Variants in GABPB1 observed in about 807,000 individuals in gnomAD.
GABPB1 encodes the protein GA binding protein transcription factor subunit beta 1, also known as GA-binding protein subunit beta-1.
Under a neutral mutation model 45.9 loss-of-function variants are expected in GABPB1, and 15 were observed. The ratio of observed to expected loss-of-function variants is 0.33; its 90% CI spans 0.22 to 0.50. GABPB1 has a LOEUF of 0.50. Ranked by LOEUF, GABPB1 falls within the 20% of genes least tolerant of loss-of-function variation. GABPB1 has a pLI of 0.98. For missense variants in GABPB1, 252 were observed against 457.5 expected (o/e 0.55, Z 4.10); for synonymous variants, 143 against 154.4 (o/e 0.93, Z 0.55).
At chr15:50,354,426 T>C (rs945991287) in intron 1 of GABPB1, 6 of 450,900 alleles carry the variant, frequency 1.3e-5, no homozygotes, top group African/African-American at 4.1e-5. Flanking sequence ...CGAGCGCCTC[T>C]CGGCCCCGCA....
intron 1 of GABPB1, among the ~76,000 whole-genome samples, chr15:50,310,570 A>G (rs554066553): frequency 6.6e-6 from 1 of 152,360 alleles, no homozygotes; most frequent in South Asian, 2.1e-4. Context: ...ATTTTAAAAA[A>G]CAAATTTTCT....
At chr15:50,291,476 G>A (rs2046339153) in intron 6 of GABPB1, among the ~76,000 whole-genome samples, 2 of 151,298 alleles carry the variant, frequency 1.3e-5, no homozygotes, top group Non-Finnish European at 2.9e-5. Flanking sequence ...GTGCCACCAC[G>A]CCTGGTAATT....
At chr15:50,281,298 A>G (rs943295060) in intron 8 of GABPB1, among the ~76,000 whole-genome samples, 4 of 152,122 alleles carry the variant, frequency 2.6e-5, no homozygotes, top group South Asian at 2.1e-4. Context: ...TGCAACCTCC[A>G]CCTCCCGGAT....
At chr15:50,317,339 G>C (rs1456578809) in intron 1 of GABPB1, among the ~76,000 whole-genome samples, 1 of 150,824 alleles carries the variant, frequency 6.6e-6, no homozygotes, top group Non-Finnish European at 1.5e-5. Flanking sequence ...GGGAGGCAGA[G>C]GTTGCAGTGA....
At chr15:50,354,478 C>A in intron 1 of GABPB1, 1 of 448,370 alleles carries the variant, frequency 2.2e-6, no homozygotes, top group South Asian at 1.6e-5. Flanking sequence ...CGCCCGTTCC[C>A]CTCTCCGGAG....
intron 6 of GABPB1, among the ~76,000 whole-genome samples, chr15:50,297,449 C>T (rs558931918): frequency 7.0e-4 from 106 of 152,092 alleles, no homozygotes; most frequent in African/African-American, 2.3e-3. Flanking sequence ...CTCCTGACCT[C>T]GTAACCTGCC....
In GABPB1 at chr15:50,341,315, C is replaced by A. The variant is rs113886436; in HGVS notation, c.-1+13670G>T. The stretch of plus-strand genomic sequence containing the variant: ...TTGGGAGGCCAAAGCAGGTGGATCA[C>A]CTGAGGTCGGAGTTCGAGACGAGCC... On this transcript the variant is annotated intron_variant, in intron 1 of 8. Transcript: ENST00000380877. Among the ~76,000 whole-genome samples, 1,259 of 152,154 alleles carry A rather than the reference C, an allele frequency of 8.3e-3. 4 individuals are homozygous for A. The highest frequency in any genetic ancestry group is 0.019 in the South Asian group (92 of 4,814).
rs1215577970 is a variant in GABPB1 at position 50,277,262 on chromosome 15, GAA to G, written c.*1368_*1369del. 6.6e-6 allele frequency: 1 copy of G among 152,062 alleles called. No homozygotes were observed. Among genetic ancestry groups the G allele is most frequent in the Non-Finnish European group, 1.5e-5 (1 of 67,992 alleles). 9.4% of individuals were successfully genotyped at this position (152,062 alleles called of 1,614,324 possible). ...ACATAAGTCTACAATGAACATATGT[GAA>G]AAAGATATTTAATTGCAAAATAGAA... On this transcript the variant is annotated 3_prime_UTR_variant, in exon 9 of 9. Transcript: ENST00000380877.
chr15:50,322,029 G>GA (rs1056131720), intron 1 of GABPB1, among the ~76,000 whole-genome samples: 10 of 150,446 alleles, frequency 6.6e-5, no homozygotes, highest in Admixed American at 6.6e-4. Context: ...CTAGTCAAAA[G>GA]AAAAAATTGT....
chr15:50,303,835 G>T, intron 3 of GABPB1, 131 bp downstream of exon 3: 1 of 618,500 alleles, frequency 1.6e-6, no homozygotes, highest in Admixed American at 3.4e-5. Flanking sequence ...TCATTTAATG[G>T]GCTTATACAC....
intron 6 of GABPB1, among the ~76,000 whole-genome samples, chr15:50,300,446 T>TG (rs2046696668): frequency 8.1e-6 from 1 of 123,934 alleles, no homozygotes; most frequent in Non-Finnish European, 1.8e-5. Flanking sequence ...GTTTTTTTTT[T>TG]TTTTTTTTTT....
chr15:50,298,355 G>C (rs577333218), intron 6 of GABPB1, among the ~76,000 whole-genome samples: 1 of 152,254 alleles, frequency 6.6e-6, no homozygotes, highest in South Asian at 2.1e-4. Flanking sequence ...CAAAGTACTA[G>C]AATTATAGGC....
intron 1 of GABPB1, among the ~76,000 whole-genome samples, chr15:50,345,906 T>C (rs1018567771): frequency 1.3e-5 from 2 of 151,962 alleles, no homozygotes; most frequent in Non-Finnish European, 2.9e-5. Context: ...AGAGACGGGG[T>C]TTCACTGTGT....
intron 1 of GABPB1, among the ~76,000 whole-genome samples, chr15:50,348,642 T>C (rs1162658980): frequency 6.6e-6 from 1 of 151,378 alleles, no homozygotes; most frequent in African/African-American, 2.4e-5. Flanking sequence ...GGCAGGCAGA[T>C]CACAAGGTCA....
chr15:50,341,458 G>T (rs1342425497), intron 1 of GABPB1, among the ~76,000 whole-genome samples: 1 of 152,020 alleles, frequency 6.6e-6, no homozygotes, highest in Non-Finnish European at 1.5e-5. Context: ...ACTTGAACCT[G>T]GGAGGTGAAG....
chr15:50,291,513 G>A (rs1358206635), intron 6 of GABPB1, among the ~76,000 whole-genome samples: 1 of 148,810 alleles, frequency 6.7e-6, no homozygotes, highest in South Asian at 2.1e-4. Flanking sequence ...ATTTTTAGTA[G>A]AGACGGGTTA....
At chr15:50,297,428 C>A (rs1290843789) in intron 6 of GABPB1, among the ~76,000 whole-genome samples, 1 of 152,082 alleles carries the variant, frequency 6.6e-6, no homozygotes, top group African/African-American at 2.4e-5. Context: ...GTTGGCCAAG[C>A]TGGTCTTGAA....
intron 8 of GABPB1, among the ~76,000 whole-genome samples, chr15:50,282,560 G>GAAAGAAAAAAAAAAAAAA (rs2046013687): frequency 2.2e-5 from 2 of 88,992 alleles, no homozygotes; most frequent in Non-Finnish European, 4.7e-5. Context: ...CCTTAAAAAA[G>GAAAGAAAAAAAAAAAAAA]AAAAAAAAAA....
In GABPB1 at chr15:50,309,790, C is replaced by G. The variant is rs1214620709; in HGVS notation, c.9G>C (p.Leu3=). The change falls in exon 2 of 9, where the codon CTG becomes CTC. Residue 3 remains leucine (L), a synonymous_variant. Transcript: ENST00000380877. ...CTAAAAGCTTCTTTCCCAAATCTAC[C>G]AGGGACATCTAAACAAAACATAGAT... MS[L]VDLGKKLLEA... The G allele has an allele frequency of 8.7e-6, 14 of 1,605,544 alleles. No homozygotes were observed. Among genetic ancestry groups the G allele is most frequent in the Non-Finnish European group, 1.2e-5 (14 of 1,172,456 alleles).
Sources: gnomAD v4.1 joint callset for allele counts (sites outside exome capture counted in the v4.1 genomes callset) on GRCh38, gnomAD v4.1.1 for gene constraint, MANE v1.5 for transcripts, NCBI Gene and HGNC (gene_info 2026-07-23, HGNC 2026-07-21) for gene names.